Variants in RPS6KA1 observed in about 807,000 individuals in gnomAD.
The protein encoded by RPS6KA1 is ribosomal protein S6 kinase A1, also known as ribosomal protein S6 kinase alpha-1.
A neutral mutation model predicts 91.3 loss-of-function variants in RPS6KA1; 48 were observed. The observed-to-expected ratio is 0.53, with a 90% CI of 0.42 to 0.67. The LOEUF (loss-of-function observed/expected upper bound fraction) is 0.67, where lower values mean the gene tolerates loss of function less well. RPS6KA1 is among the 30% of genes least tolerant of loss of function. The probability of loss-of-function intolerance (pLI) is 0.00; values close to 1 mark genes in which losing one functional copy is unlikely to be tolerated. For missense variants in RPS6KA1, 719 were observed against 960.5 expected, an observed-to-expected ratio of 0.75 and a Z score of 3.32; for synonymous variants, 359 against 384.7, an observed-to-expected ratio of 0.93 and a Z score of 0.78.
Position 26,556,592 on chromosome 1 carries a change from G to A in RPS6KA1, c.917-62G>A, listed in dbSNP as rs1016916917. The A allele has an allele frequency of 5.1e-6, 8 of 1,569,074 alleles. No homozygotes were observed. The African/African-American group carries it at 1.1e-4, about 21-fold the overall frequency. ...CAGAGCCCTGTGAGGCTGCTTGGTGGGCAGGGTAATATCTGGGACTTGTGC... is the reference window on the plus strand; with the variant it reads ...CAGAGCCCTGTGAGGCTGCTTGGTGAGCAGGGTAATATCTGGGACTTGTGC... On this transcript the variant is annotated intron_variant, in intron 11 of 21. Transcript: ENST00000374168.
rs2076054512 is a variant in RPS6KA1, at chr1:26,551,969, C to G, written c.468+246C>G. 6.6e-6 allele frequency among the ~76,000 whole-genome samples: 1 copy of G among 152,236 alleles called. No individual in the cohort carries two copies. The highest frequency in any genetic ancestry group is 6.5e-5 in the Admixed American group (1 of 15,292). Reference sequence around the variant, plus strand: ...CTAAGGGTTCCTCTCACCTCTGCACCTGCCTTCTTCCAGGGCTGCTCTGGG... The same window carrying G: ...CTAAGGGTTCCTCTCACCTCTGCACGTGCCTTCTTCCAGGGCTGCTCTGGG... On this transcript the variant is annotated intron_variant, in intron 6 of 21. Coordinates refer to ENST00000374168, the MANE Select transcript of RPS6KA1 (RefSeq NM_002953.4). This position sits in a 1 kb window ranked among gnomAD's most constrained non-coding sequence, Gnocchi z 4.5.
chr1:26,553,402 G>A lies in RPS6KA1; in HGVS notation c.480G>A (p.Thr160=), dbSNP rs376383316. The A allele has an allele frequency of 6.2e-5, 100 of 1,611,252 alleles. No individual in the cohort carries two copies. The highest frequency in any genetic ancestry group is 7.0e-5 in the Non-Finnish European group (82 of 1,177,708). The change falls in exon 7 of 22, where the codon ACG becomes ACA. Residue 160 remains threonine (T), a synonymous_variant. Coordinates refer to ENST00000374168, the MANE Select transcript of RPS6KA1 (RefSeq NM_002953.4). ...CCTGTCTTTTGCAGGTGATGTTCAC[G>A]GAGGAGGATGTGAAGTTTTACCTGG... ...FTRLSKEVMF[T]EEDVKFYLAE... is the part of the protein sequence containing the mutation.
chr1:26,546,015 T>A, intron 2 of RPS6KA1: 1 of 1,611,750 alleles, frequency 6.2e-7, no homozygotes, highest in Non-Finnish European at 8.5e-7. Context: ...TGGCCCTGGC[T>A]CTGGCCCCCA....
At chr1:26,556,551 C>T in intron 11 of RPS6KA1, 103 bp from the exon 12 acceptor site, 1 of 1,246,660 alleles carries the variant, frequency 8.0e-7, no homozygotes, top group Non-Finnish European at 1.2e-6. Context: ...TTCCCCTCTG[C>T]TCCAGCAGCT....
intron 17 of RPS6KA1, among the ~76,000 whole-genome samples, chr1:26,567,192 T>TA (rs1557514392): frequency 6.6e-6 from 1 of 151,676 alleles, no homozygotes; most frequent in African/African-American, 2.4e-5. Context: ...TGGCTAATTT[T>TA]AAAATTTTTT....
At chr1:26,557,318 G>A (rs995884400) in intron 13 of RPS6KA1, among the ~76,000 whole-genome samples, 1 of 152,144 alleles carries the variant, frequency 6.6e-6, no homozygotes, top group Non-Finnish European at 1.5e-5. Context: ...TTTGTGTCTG[G>A]TGAGAGAGTG....
chr1:26,554,421 G>GCCCCTCAGCTGGAATCCCAA lies in RPS6KA1; in HGVS notation c.614-168_614-167insGCTGGAATCCCAACCCCTCA, dbSNP rs1553132327. On this transcript the variant is annotated intron_variant, in intron 8 of 21. Transcript: ENST00000374168. This position sits in a 1 kb window ranked among gnomAD's most constrained non-coding sequence, Gnocchi z 4.6. ...TGGAACACCCTCAGCTGGAATCCCA[G>GCCCCTCAGCTGGAATCCCAA]CCCCTCATTGTGTAACGTTGAGCAA... The GCCCCTCAGCTGGAATCCCAA allele has an allele frequency of 2.7e-6, 3 of 1,117,560 alleles. No individual in the cohort carries two copies. Among genetic ancestry groups the GCCCCTCAGCTGGAATCCCAA allele is most frequent in the Non-Finnish European group, 3.9e-6 (3 of 772,468 alleles). The allele number at this position is 1,117,560 out of a possible 1,614,324, so 69.2% of individuals were successfully genotyped here.
chr1:26,544,199 G>T (rs776467653), intron 2 of RPS6KA1: 3 of 456,118 alleles, frequency 6.6e-6, no homozygotes, highest in Non-Finnish European at 4.4e-6. Flanking sequence ...TCTGCTTGGG[G>T]CTCGCTGACT....
At chr1:26,567,819 A>G (rs2124667787) in intron 17 of RPS6KA1, among the ~76,000 whole-genome samples, 1 of 152,304 alleles carries the variant, frequency 6.6e-6, no homozygotes, top group South Asian at 2.1e-4. Context: ...GTCCTTCTCT[A>G]TAAGCCTGGG....
At chr1:26,562,818 T>C (rs1303679121) in intron 17 of RPS6KA1, among the ~76,000 whole-genome samples, 2 of 148,732 alleles carry the variant, frequency 1.3e-5, no homozygotes, top group Non-Finnish European at 3.0e-5. Context: ...ATTTTTCTCC[T>C]ATTGTCCTTT....
In RPS6KA1 at chr1:26,547,041, A is replaced by G. The variant is rs2076000990; in HGVS notation, c.225+58A>G. The G allele has an allele frequency of 1.3e-6, 2 of 1,544,814 alleles. No individual in the cohort carries two copies. Among genetic ancestry groups the G allele is most frequent in the East Asian group, 4.5e-5 (2 of 44,564 alleles). ...ACTCGTCATGTTAGAGGTGGGGGTC[A>G]AGGGTCACCTAGGGGCCCAAAGGAT... On this transcript the variant is annotated intron_variant, in intron 3 of 21. Coordinates refer to ENST00000374168, the MANE Select transcript of RPS6KA1 (RefSeq NM_002953.4). This position sits in a 1 kb window ranked among gnomAD's most constrained non-coding sequence, Gnocchi z 4.1.
rs919936012 is a variant in RPS6KA1 at position 26,559,037 on chromosome 1, C to T, written c.1215+100C>T. On this transcript the variant is annotated intron_variant, in intron 14 of 21. Transcript: ENST00000374168. Reference sequence around the variant, plus strand: ...CAGAACCAGGTTCATACCCTCATGCCACTGTGGGACCAGTAGGGCCTCCAA... The same window carrying T: ...CAGAACCAGGTTCATACCCTCATGCTACTGTGGGACCAGTAGGGCCTCCAA... The T allele has an allele frequency of 3.0e-5, 42 of 1,417,088 alleles. No homozygotes were observed. The Middle Eastern group carries it at 5.5e-4, about 18-fold the overall frequency. The allele number at this position is 1,417,088 out of a possible 1,614,324, so 87.8% of individuals were successfully genotyped here. A position where few individuals can be genotyped will look rare whatever the true frequency, so the allele number is the denominator to read the frequency against.
At chr1:26,569,858 A>G (rs940589569) in intron 17 of RPS6KA1, among the ~76,000 whole-genome samples, 3 of 152,168 alleles carry the variant, frequency 2.0e-5, no homozygotes, top group African/African-American at 7.2e-5. Context: ...AGGGCACCTG[A>G]GGGATGCAAT....
chr1:26,546,784 C>A, intron 2 of RPS6KA1, 83 bp from the exon 3 acceptor site: 1 of 1,002,388 alleles, frequency 1.0e-6, no homozygotes, highest in South Asian at 1.3e-5. Context: ...CTGCTGTGGT[C>A]TGGTGGGAAT....
chr1:26,552,768 G>C (rs893980495), intron 6 of RPS6KA1: 7 of 327,866 alleles, frequency 2.1e-5, no homozygotes, highest in Admixed American at 7.3e-5. Flanking sequence ...TGGGATTATA[G>C]GTGTGAGCCA....
chr1:26,539,083 G>C (rs1009680938), intron 2 of RPS6KA1, among the ~76,000 whole-genome samples: 4 of 152,246 alleles, frequency 2.6e-5, no homozygotes, highest in Non-Finnish European at 5.9e-5. Context: ...TAGGCGCTAT[G>C]ATGGGGCAAG....
chr1:26,572,378 C>A, intron 20 of RPS6KA1, 85 bp downstream of exon 20: 1 of 857,234 alleles, frequency 1.2e-6, no homozygotes, highest in South Asian at 1.4e-5. Context: ...CATGAACAGC[C>A]TCATTTCTCC....
At chr1:26,545,818 A>C in intron 2 of RPS6KA1, 1 of 1,436,004 alleles carries the variant, frequency 7.0e-7, no homozygotes, top group South Asian at 1.5e-5. Context: ...CTTACCCTGC[A>C]CATCCGCCTT....
Position 26,571,180 on chromosome 1 carries a change from A to G in RPS6KA1, c.1591-269A>G. ...TAACAGGAAGGATGGAGTTGCCACAAGGTAAGATTATGTGATGAGTAGGTT... is the reference window on the plus strand; with the variant it reads ...TAACAGGAAGGATGGAGTTGCCACAGGGTAAGATTATGTGATGAGTAGGTT... On this transcript the variant is annotated intron_variant, in intron 17 of 21. Transcript: ENST00000374168. This position sits in a 1 kb window ranked among gnomAD's most constrained non-coding sequence, Gnocchi z 5.1. The G allele has an allele frequency of 2.4e-6, 1 of 421,468 alleles. No individual in the cohort carries two copies. The highest frequency in any genetic ancestry group is 4.3e-6 in the Non-Finnish European group (1 of 234,602). The allele number at this position is 421,468 out of a possible 1,614,324, so 26.1% of individuals were successfully genotyped here. A position where few individuals can be genotyped will look rare whatever the true frequency, so the allele number is the denominator to read the frequency against.
Sources: gnomAD v4.1 joint callset for allele counts (sites outside exome capture counted in the v4.1 genomes callset) on GRCh38, gnomAD v4.1.1 for gene constraint, Gnocchi (gnomAD v3.1) non-coding constraint, MANE v1.5 for transcripts, NCBI Gene and HGNC (gene_info 2026-07-23, HGNC 2026-07-21) for gene names.